The following DLC1 variants were observed in gnomAD, a reference collection of about 807,000 sequenced individuals.
The protein encoded by DLC1 is DLC1 Rho GTPase activating protein.
In DLC1, 54 loss-of-function variants were observed where a neutral mutation model predicts 140.3. The ratio of observed to expected loss-of-function variants is 0.38; its 90% CI spans 0.31 to 0.48. The LOEUF (loss-of-function observed/expected upper bound fraction) is 0.48. Among genes scored for constraint, DLC1 ranks in the 20% least tolerant of loss-of-function variants. The pLI is 0.96. For missense variants in DLC1, 2,536 were observed against 1,907.0 expected (o/e 1.33, Z -6.14); for synonymous variants, 986 against 728.1 (o/e 1.35, Z -5.70).
At chr8:13,103,007 G>T (rs1013264623) in intron 7 of DLC1, among the ~76,000 whole-genome samples, 154 bp from the exon 8 acceptor site, 1 of 152,158 alleles carries the variant, frequency 6.6e-6, no homozygotes, top group Non-Finnish European at 1.5e-5. Context: ...TATTTAAAAA[G>T]TGAGTCATTT....
intron 5 of DLC1, among the ~76,000 whole-genome samples, chr8:13,161,316 C>T (rs555638905): frequency 2.0e-5 from 3 of 151,380 alleles, no homozygotes; most frequent in South Asian, 2.1e-4. Context: ...AGGTGATCAG[C>T]GTCATTTGTG....
chr8:13,431,056 G>T (rs1838839398), intron 2 of DLC1, among the ~76,000 whole-genome samples: 2 of 152,200 alleles, frequency 1.3e-5, no homozygotes, highest in Admixed American at 1.3e-4. Context: ...GGTTTATTAA[G>T]CTATGGCATG....
chr8:13,356,608 A>C (rs1266875529), intron 4 of DLC1, among the ~76,000 whole-genome samples: 1 of 152,184 alleles, frequency 6.6e-6, no homozygotes, highest in African/African-American at 2.4e-5. Flanking sequence ...CTTAAATTGT[A>C]TCATAATAAT....
At chr8:13,592,851 C>G (rs1805563217) in intron 1 of DLC1, among the ~76,000 whole-genome samples, 1 of 152,054 alleles carries the variant, frequency 6.6e-6, no homozygotes. Context: ...ACACATTTTG[C>G]CATGTTAGCG....
At chr8:13,491,140 T>C (rs1801221973) in intron 2 of DLC1, among the ~76,000 whole-genome samples, 1 of 149,762 alleles carries the variant, frequency 6.7e-6, no homozygotes, top group Non-Finnish European at 1.5e-5. Context: ...TTTTTATATA[T>C]ATATAGCCTT....
chr8:13,328,278 C>A (rs560004157), intron 4 of DLC1, among the ~76,000 whole-genome samples: 1 of 152,264 alleles, frequency 6.6e-6, no homozygotes, highest in African/African-American at 2.4e-5. Flanking sequence ...TAAGTGGTAA[C>A]AGCTCAAGAA....
chr8:13,285,513 A>T (rs377017516), intron 5 of DLC1, among the ~76,000 whole-genome samples: 3 of 152,168 alleles, frequency 2.0e-5, no homozygotes, highest in East Asian at 3.8e-4. Flanking sequence ...GTTTAAACTG[A>T]TACATCACAA....
intron 2 of DLC1, among the ~76,000 whole-genome samples, chr8:13,426,500 A>G (rs1728501608): frequency 6.6e-6 from 1 of 151,944 alleles, no homozygotes; most frequent in African/African-American, 2.4e-5. Context: ...AACCCTTGAC[A>G]CTCTAAATTC....
At chr8:13,088,420 T>C (rs1469632201) in intron 16 of DLC1, 67 bp downstream of exon 16, 1 of 1,518,890 alleles carries the variant, frequency 6.6e-7, no homozygotes, top group Non-Finnish European at 9.1e-7. Flanking sequence ...GTAAGATCAG[T>C]GACATATAGG....
At chr8:13,390,573 A>G (rs1836709910) in intron 4 of DLC1, among the ~76,000 whole-genome samples, 1 of 152,218 alleles carries the variant, frequency 6.6e-6, no homozygotes, top group African/African-American at 2.4e-5. Context: ...CAATGGTTGA[A>G]CTAATTTTCA....
intron 10 of DLC1, chr8:13,095,939 T>C (rs1818464136): frequency 6.6e-6 from 1 of 152,180 alleles, no homozygotes; most frequent in African/African-American, 2.4e-5. Flanking sequence ...TTTAGGTTTC[T>C]AAAGGAAGAT....
At chr8:13,407,301 A>G (rs1355938728) in intron 2 of DLC1, among the ~76,000 whole-genome samples, 3 of 152,170 alleles carry the variant, frequency 2.0e-5, no homozygotes, top group Non-Finnish European at 4.4e-5. Context: ...AAAGTGTCAG[A>G]TTCTGTGAGG....
At chr8:13,594,820 C>T (rs1463513780) in intron 1 of DLC1, among the ~76,000 whole-genome samples, 2 of 150,366 alleles carry the variant, frequency 1.3e-5, no homozygotes, top group African/African-American at 2.4e-5. Flanking sequence ...AAGAAATGAT[C>T]TAATTTCAGG....
intron 5 of DLC1, among the ~76,000 whole-genome samples, chr8:13,186,034 C>A (rs1308113113): frequency 1.3e-5 from 2 of 152,184 alleles, no homozygotes; most frequent in East Asian, 3.9e-4. Flanking sequence ...GTCTGATGGG[C>A]TTCCCTTTGT....
chr8:13,592,225 C>T (rs926694907), intron 1 of DLC1, among the ~76,000 whole-genome samples: 5 of 152,140 alleles, frequency 3.3e-5, no homozygotes, highest in African/African-American at 4.8e-5. Flanking sequence ...TAGAAATTTT[C>T]GATTCAAGTA....
chr8:13,443,562 G>C (rs1192326678), intron 2 of DLC1, among the ~76,000 whole-genome samples: 1 of 150,854 alleles, frequency 6.6e-6, no homozygotes. Flanking sequence ...GAGAGGCTGA[G>C]GCAGGAGAAT....
At chr8:13,345,735 T>C (rs1411050369) in intron 4 of DLC1, among the ~76,000 whole-genome samples, 2 of 151,634 alleles carry the variant, frequency 1.3e-5, no homozygotes, top group East Asian at 3.9e-4. Flanking sequence ...TTTTTTATGT[T>C]TTTGGTAGAG....
At chr8:13,567,401 G>A in intron 1 of DLC1, 1 of 1,551,728 alleles carries the variant, frequency 6.4e-7, no homozygotes, top group Non-Finnish European at 8.7e-7. Flanking sequence ...CATCGTAGAG[G>A]GGATTCTAAG....
Position 13,579,573 on chromosome 8 carries a change from ATATAT to A in DLC1, c.-126+24959_-126+24963del, listed in dbSNP as rs1258746262. On this transcript the variant is annotated intron_variant, in intron 1 of 1. Transcript: ENST00000631382. The stretch of plus-strand genomic sequence containing the variant: ...TATTATATTTTATATTATATATTTA[ATATAT>A]TATATTTTATATTATATATTTAATA... Among the ~76,000 whole-genome samples, 50 of 91,716 alleles carry A rather than the reference ATATAT, an allele frequency of 5.5e-4. 1 individual carries two copies. Among genetic ancestry groups the A allele is most frequent in the African/African-American group, 1.9e-3 (49 of 26,210 alleles). The allele number at this position is 91,716 out of a possible 152,430, so 60.2% of individuals were successfully genotyped here.
Sources: allele counts gnomAD v4.1 joint callset (sites outside exome capture counted in the v4.1 genomes callset), GRCh38; gene constraint gnomAD v4.1.1; transcripts MANE v1.5; gene names NCBI Gene and HGNC (gene_info 2026-07-23, HGNC 2026-07-21).